KCTD16: variants seen among roughly 807,000 people sequenced by gnomAD.
The protein encoded by KCTD16 is potassium channel tetramerization domain containing 16.
KCTD16 carries 13 observed loss-of-function variants against 33.2 expected under a neutral mutation model. The observed-to-expected ratio is 0.39, with a 90% CI of 0.25 to 0.62. The LOEUF (loss-of-function observed/expected upper bound fraction) is 0.62. Among genes scored for constraint, KCTD16 ranks in the 20% least tolerant of loss-of-function variants. KCTD16 has a pLI of 0.50. For synonymous variants in KCTD16, 197 were observed against 195.3 expected, an observed-to-expected ratio of 1.01 and a Z score of -0.07; for missense variants, 441 against 525.1, an observed-to-expected ratio of 0.84 and a Z score of 1.57.
intron 3 of KCTD16, among the ~76,000 whole-genome samples, chr5:144,319,202 A>G (rs1267158009): frequency 2.6e-5 from 4 of 152,190 alleles, no homozygotes. Context: ...TACATGCAAT[A>G]TTATATTTGA....
At chr5:144,337,093 A>G (rs1752510746) in intron 3 of KCTD16, among the ~76,000 whole-genome samples, 1 of 151,850 alleles carries the variant, frequency 6.6e-6, no homozygotes, top group Non-Finnish European at 1.5e-5. Context: ...TAACTACTAC[A>G]TAATATTGCA....
At chr5:144,437,848 C>G (rs567373533) in intron 3 of KCTD16, among the ~76,000 whole-genome samples, 56 of 152,230 alleles carry the variant, frequency 3.7e-4, no homozygotes, top group South Asian at 2.1e-3. Context: ...CAAGAGAAGG[C>G]AGACTTTGCT....
intron 3 of KCTD16, among the ~76,000 whole-genome samples, chr5:144,394,879 A>G (rs779850516): frequency 6.6e-6 from 1 of 152,230 alleles, no homozygotes; most frequent in Non-Finnish European, 1.5e-5. Flanking sequence ...GTCTTTGACC[A>G]TTCTTTATAG....
intron 3 of KCTD16, among the ~76,000 whole-genome samples, chr5:144,323,915 T>C (rs931909166): frequency 3.3e-5 from 5 of 152,194 alleles, no homozygotes; most frequent in African/African-American, 9.6e-5. Flanking sequence ...ACTAATGTTT[T>C]ACAATTGCAT....
intron 3 of KCTD16, among the ~76,000 whole-genome samples, chr5:144,446,058 T>G (rs1009372373): frequency 6.6e-6 from 1 of 151,962 alleles, no homozygotes; most frequent in African/African-American, 2.4e-5. Flanking sequence ...CATTATCATG[T>G]AGGTCTTGTG....
rs1395964972 is a variant in KCTD16, at chr5:144,203,987, C to G, written c.-326-2402C>G. 2.0e-5 allele frequency among the ~76,000 whole-genome samples: 3 copies of G among 152,128 alleles called. No individual in the cohort carries two copies. In the East Asian group the frequency reaches 5.8e-4, roughly 29 times the overall value. On this transcript the variant is annotated intron_variant, in intron 2 of 3. Coordinates refer to ENST00000512467, the MANE Select transcript of KCTD16 (RefSeq NM_020768.4). ...ATCTTGCTTGGTCCAGCATTAAAAT[C>G]CTAATGATTGAGGCCAGAACAGGTT... is the stretch of plus-strand genomic sequence containing the variant.
At chr5:144,401,738 G>C (rs1752708933) in intron 3 of KCTD16, among the ~76,000 whole-genome samples, 1 of 152,152 alleles carries the variant, frequency 6.6e-6, no homozygotes, top group Non-Finnish European at 1.5e-5. Flanking sequence ...ATAATTTCTA[G>C]GCAGAATATC....
chr5:144,399,015 G>A (rs1204585594), intron 3 of KCTD16, among the ~76,000 whole-genome samples: 1 of 152,070 alleles, frequency 6.6e-6, no homozygotes, highest in Admixed American at 6.6e-5. Flanking sequence ...AGAGTGAAAC[G>A]GCAGCACGTT....
At chr5:144,441,520 A>G (rs1753707440) in intron 3 of KCTD16, among the ~76,000 whole-genome samples, 1 of 152,132 alleles carries the variant, frequency 6.6e-6, no homozygotes, top group African/African-American at 2.4e-5. Flanking sequence ...GTCAGACTCC[A>G]ACTTCATTCT....
At chr5:144,395,620 C>T (rs917973347) in intron 3 of KCTD16, among the ~76,000 whole-genome samples, 38 of 152,216 alleles carry the variant, frequency 2.5e-4, no homozygotes, top group African/African-American at 9.2e-4. Flanking sequence ...TTCCTGCTTA[C>T]AGCCATATGT....
chr5:144,475,099 T>C lies in KCTD16; in HGVS notation c.*985T>C, dbSNP rs1754566636. On this transcript the variant is annotated 3_prime_UTR_variant, in exon 4 of 4. Transcript: ENST00000512467. ...GTTCTTACTGCCCACAGTTTAATGGTGTGGCCTTTCCACATAATCCACATT... is the reference window on the plus strand; with the variant it reads ...GTTCTTACTGCCCACAGTTTAATGGCGTGGCCTTTCCACATAATCCACATT... The C allele has an allele frequency of 6.6e-6, 1 of 152,252 alleles. No homozygotes were observed. The highest frequency in any genetic ancestry group is 1.9e-4 in the East Asian group (1 of 5,200). The allele number at this position is 152,252 out of a possible 1,614,324, so 9.4% of individuals were successfully genotyped here. A position where few individuals can be genotyped will look rare whatever the true frequency, so the allele number is the denominator to read the frequency against.
At chr5:144,351,319 A>G (rs1751422452) in intron 3 of KCTD16, among the ~76,000 whole-genome samples, 1 of 152,204 alleles carries the variant, frequency 6.6e-6, no homozygotes, top group South Asian at 2.1e-4. Context: ...TGACATCACT[A>G]GTCATCAGGG....
chr5:144,402,671 A>T (rs1439976725), intron 3 of KCTD16, among the ~76,000 whole-genome samples: 1 of 152,140 alleles, frequency 6.6e-6, no homozygotes, highest in Non-Finnish European at 1.5e-5. Context: ...GTGTAACCTA[A>T]TTGCTACAGA....
At chr5:144,381,221 A>G (rs1306423799) in intron 3 of KCTD16, among the ~76,000 whole-genome samples, 1 of 152,192 alleles carries the variant, frequency 6.6e-6, no homozygotes, top group African/African-American at 2.4e-5. Context: ...CCATCAGAGA[A>G]ATGCAAATCA....
rs544979248 is a variant in KCTD16 at position 144,319,453 on chromosome 5, T to C, written c.832+111907T>C. Among the ~76,000 whole-genome samples, 7 of 152,342 alleles carry C rather than the reference T, an allele frequency of 4.6e-5. No homozygotes were observed. The South Asian group carries it at 1.4e-3, about 32-fold the overall frequency. Reference sequence around the variant, plus strand: ...AGCTTCCCTAAGGTGTTAAAAATATTCCAACATGTTAAAGGTTAGCTCAAT... The same window carrying C: ...AGCTTCCCTAAGGTGTTAAAAATATCCCAACATGTTAAAGGTTAGCTCAAT... On this transcript the variant is annotated intron_variant, in intron 3 of 3. Transcript: ENST00000512467.
At chr5:144,359,173 G>C (rs1221962117) in intron 3 of KCTD16, among the ~76,000 whole-genome samples, 1 of 152,158 alleles carries the variant, frequency 6.6e-6, no homozygotes, top group Non-Finnish European at 1.5e-5. Flanking sequence ...GGTGCCTACT[G>C]TGCCCTGTCT....
In KCTD16 at chr5:144,299,136, ATATATATATATATTTTTTTT is replaced by A. The variant is rs1473926235; in HGVS notation, c.832+91592_832+91611del. Reference sequence around the variant, plus strand: ...TATATATATATATATATATATATATATATATATATATATTTTTTTTTTTTTTTTTAACCTGTCACTGAGCT... The same window carrying A: ...TATATATATATATATATATATATATATTTTTTTTTAACCTGTCACTGAGCT... On this transcript the variant is annotated intron_variant, in intron 3 of 3. Transcript: ENST00000512467. 3.9e-4 allele frequency among the ~76,000 whole-genome samples: 12 copies of A among 30,428 alleles called. 2 individuals carry two copies. The African/African-American group carries it at 4.5e-3, about 11-fold the overall frequency. The allele number at this position is 30,428 out of a possible 152,430, so 20.0% of individuals were successfully genotyped here.
At chr5:144,408,770 G>A (rs115556453) in intron 3 of KCTD16, among the ~76,000 whole-genome samples, 2,002 of 152,114 alleles carry the variant, frequency 0.013, 54 homozygotes, top group African/African-American at 0.046. Context: ...TATCCTCTTT[G>A]CTCCCTATAC....
intron 3 of KCTD16, among the ~76,000 whole-genome samples, chr5:144,401,355 A>G (rs1438152967): frequency 6.6e-6 from 1 of 152,232 alleles, no homozygotes; most frequent in Non-Finnish European, 1.5e-5. Context: ...AAGGTGTATC[A>G]TCTCCTTAAT....
Sources: allele counts gnomAD v4.1 joint callset (sites outside exome capture counted in the v4.1 genomes callset), GRCh38; gene constraint gnomAD v4.1.1; transcripts MANE v1.5; gene names NCBI Gene and HGNC (gene_info 2026-07-23, HGNC 2026-07-21).